VPS41: variants seen among roughly 807,000 people sequenced by gnomAD.
VPS41 encodes vacuolar protein sorting-associated protein 41 homolog.
A neutral mutation model predicts 130.9 loss-of-function variants in VPS41; 85 were observed. The ratio of observed to expected loss-of-function variants is 0.65; its 90% confidence interval spans 0.55 to 0.78. The LOEUF is 0.78. Among genes scored for constraint, VPS41 ranks in the 30% least tolerant of loss-of-function variants. The probability of loss-of-function intolerance (pLI) is 0.00; values close to 1 mark genes in which losing one functional copy is unlikely to be tolerated. For missense variants in VPS41, 874 were observed against 1,018.7 expected, an observed-to-expected ratio of 0.86 and a Z score of 1.93; for synonymous variants, 335 against 332.9, an observed-to-expected ratio of 1.01 and a Z score of -0.07.
At chr7:38,818,313 G>A (rs1438694885) in intron 6 of VPS41, among the ~76,000 whole-genome samples, 2 of 151,428 alleles carry the variant, frequency 1.3e-5, no homozygotes, top group South Asian at 2.1e-4. Flanking sequence ...AATGATAGAC[G>A]GCACCAAGTG....
chr7:38,808,060 T>C (rs1409998021), intron 7 of VPS41, among the ~76,000 whole-genome samples: 1 of 152,158 alleles, frequency 6.6e-6, no homozygotes, highest in African/African-American at 2.4e-5. Context: ...GAAAAAAGTA[T>C]ATTTTTTAAC....
At chr7:38,741,931 C>T in intron 25 of VPS41, 54 bp downstream of exon 25, 2 of 1,591,962 alleles carry the variant, frequency 1.3e-6, no homozygotes, top group East Asian at 4.5e-5. Flanking sequence ...AAATATTTAT[C>T]CAGTACTAAG....
intron 21 of VPS41, among the ~76,000 whole-genome samples, chr7:38,754,153 A>G (rs1783741877): frequency 6.6e-6 from 1 of 152,196 alleles, no homozygotes; most frequent in Admixed American, 6.5e-5. Flanking sequence ...GCACACAAGA[A>G]ATATGGAATT....
chr7:38,837,435 G>A (rs1785518474), intron 4 of VPS41, among the ~76,000 whole-genome samples: 2 of 152,216 alleles, frequency 1.3e-5, no homozygotes, highest in African/African-American at 4.8e-5. Context: ...TACCAGGAGG[G>A]TAGCACATCC....
rs1460521703 is a variant in VPS41, at chr7:38,782,761, A to T, written c.785-5985T>A. Among the ~76,000 whole-genome samples the T allele has an allele frequency of 1.1e-4, 17 of 152,334 alleles. No individual in the cohort carries two copies. The East Asian group carries it at 3.3e-3, about 29-fold the overall frequency. On this transcript the variant is annotated intron_variant, in intron 10 of 28. Coordinates refer to ENST00000310301, the MANE Select transcript of VPS41 (RefSeq NM_014396.4). ...CCATATGATTGGTATAAAAATTAACAAGAAAGAACTTTCTCATTCCTTGGG... is the reference window on the plus strand; with the variant it reads ...CCATATGATTGGTATAAAAATTAACTAGAAAGAACTTTCTCATTCCTTGGG...
intron 3 of VPS41, among the ~76,000 whole-genome samples, chr7:38,868,619 A>C (rs1276286517): frequency 6.6e-6 from 1 of 152,228 alleles, no homozygotes; most frequent in Non-Finnish European, 1.5e-5. Flanking sequence ...CCCTGGACTC[A>C]GAAAGTTGGT....
chr7:38,874,845 T>C (rs1326704259), intron 2 of VPS41, among the ~76,000 whole-genome samples: 1 of 152,084 alleles, frequency 6.6e-6, no homozygotes, highest in Non-Finnish European at 1.5e-5. Flanking sequence ...AATTGAAATA[T>C]CCAAAATTAG....
At chr7:38,799,052 C>G (rs1453696727) in intron 7 of VPS41, among the ~76,000 whole-genome samples, 1 of 152,000 alleles carries the variant, frequency 6.6e-6, no homozygotes, top group Admixed American at 6.5e-5. Context: ...TACTCTGAAA[C>G]ACAAAGGGTT....
intron 6 of VPS41, among the ~76,000 whole-genome samples, chr7:38,818,343 G>T (rs755135096): frequency 6.6e-6 from 1 of 151,866 alleles, no homozygotes; most frequent in Non-Finnish European, 1.5e-5. Context: ...CCTCCCAGAC[G>T]TTTAGCCCAC....
chr7:38,906,819 T>G (rs138082869), intron 1 of VPS41, among the ~76,000 whole-genome samples: 1 of 152,298 alleles, frequency 6.6e-6, no homozygotes, highest in African/African-American at 2.4e-5. Context: ...TTACATATAT[T>G]TTAAAAAGGT....
At chr7:38,902,953 T>C (rs1787176718) in intron 1 of VPS41, among the ~76,000 whole-genome samples, 1 of 152,240 alleles carries the variant, frequency 6.6e-6, no homozygotes, top group South Asian at 2.1e-4. Context: ...AGGCTTTGCC[T>C]TCTTTGTCTC....
chr7:38,766,896 C>T (rs922598860), intron 15 of VPS41, among the ~76,000 whole-genome samples: 1 of 152,162 alleles, frequency 6.6e-6, no homozygotes, highest in Non-Finnish European at 1.5e-5. Flanking sequence ...AACCTCTTTC[C>T]TTTATAAATT....
At chr7:38,729,479 T>C (rs1478420107) in intron 25 of VPS41, among the ~76,000 whole-genome samples, 1 of 152,206 alleles carries the variant, frequency 6.6e-6, no homozygotes, top group Admixed American at 6.5e-5. Context: ...TGGGAGGGGT[T>C]TGAAAAATGA....
intron 1 of VPS41, among the ~76,000 whole-genome samples, chr7:38,905,970 A>G (rs1013998885): frequency 6.6e-6 from 1 of 151,572 alleles, no homozygotes; most frequent in Admixed American, 6.6e-5. Context: ...ATTTTTTTGT[A>G]TTTTTAGTAG....
At chr7:38,751,589 T>C (rs959204893) in intron 22 of VPS41, among the ~76,000 whole-genome samples, 1 of 152,242 alleles carries the variant, frequency 6.6e-6, no homozygotes, top group African/African-American at 2.4e-5. Context: ...TAATGTGTGG[T>C]GGGTACTAGA....
chr7:38,774,192 T>G lies in VPS41; in HGVS notation c.935A>C (p.Glu312Ala), dbSNP rs1167529767. Residue 312 changes from glutamate to alanine, a missense_variant, in exon 12 of 29, where the codon GAG becomes GCG. Transcript: ENST00000310301. ...PRLDIIQPLSETCEEISSDAL... is the reference protein window; with the variant it reads ...PRLDIIQPLSATCEEISSDAL... ...ATCAGAAGAGATCTCTTCACAAGTC[T>G]CAGAAAGTGGCTGGATGATGTCCAG... The G allele has an allele frequency of 8.1e-6, 13 of 1,609,230 alleles. No homozygotes were observed. The highest frequency in any genetic ancestry group is 1.1e-5 in the Non-Finnish European group (13 of 1,176,554).
intron 25 of VPS41, among the ~76,000 whole-genome samples, chr7:38,733,292 G>C (rs1562564533): frequency 1.3e-5 from 2 of 152,134 alleles, no homozygotes; most frequent in African/African-American, 4.8e-5. Context: ...CTAGAAAATT[G>C]TACAGTTCTT....
chr7:38,762,185 A>C (rs912073269), intron 17 of VPS41, among the ~76,000 whole-genome samples: 4 of 152,182 alleles, frequency 2.6e-5, no homozygotes, highest in Non-Finnish European at 5.9e-5. Flanking sequence ...GGCTTTGTGT[A>C]CCCTTGAATA....
intron 2 of VPS41, among the ~76,000 whole-genome samples, chr7:38,880,085 A>C (rs12672018): frequency 0.26 from 39,112 of 152,124 alleles, 6,452 homozygotes; most frequent in Non-Finnish European, 0.38. Context: ...TGCACCTCAG[A>C]GGACTTTTGT....
Sources: allele counts gnomAD v4.1 joint callset (sites outside exome capture counted in the v4.1 genomes callset), GRCh38; gene constraint gnomAD v4.1.1; transcripts MANE v1.5; gene names NCBI Gene and HGNC (gene_info 2026-07-23, HGNC 2026-07-21).